SP100: variants seen among roughly 807,000 people sequenced by gnomAD.
The protein encoded by SP100 is nuclear autoantigen Sp-100.
SP100 carries 84 observed loss-of-function variants against 130.0 expected under a neutral mutation model. The ratio of observed to expected loss-of-function variants is 0.65; its 90% CI spans 0.54 to 0.77. SP100 has a LOEUF of 0.77. SP100 is among the 30% of genes least tolerant of loss of function. SP100 has a pLI of 0.00. For missense variants in SP100, 978 were observed against 1,052.2 expected, an observed-to-expected ratio of 0.93 and a Z score of 0.97; for synonymous variants, 331 against 351.7, an observed-to-expected ratio of 0.94 and a Z score of 0.66.
At chr2:230,428,039 T>C (rs945145775) in intron 2 of SP100, among the ~76,000 whole-genome samples, 7 of 152,166 alleles carry the variant, frequency 4.6e-5, no homozygotes, top group African/African-American at 1.7e-4. Context: ...GAGATCAGCC[T>C]GGCCAACATA....
At chr2:230,434,419 T>G (rs1482225747) in intron 2 of SP100, among the ~76,000 whole-genome samples, 1 of 152,176 alleles carries the variant, frequency 6.6e-6, no homozygotes, top group African/African-American at 2.4e-5. Flanking sequence ...AATCAACAAA[T>G]ATTTATGGAA....
chr2:230,464,904 C>T (rs1288287857), intron 11 of SP100, among the ~76,000 whole-genome samples: 1 of 152,028 alleles, frequency 6.6e-6, no homozygotes, highest in Non-Finnish European at 1.5e-5. Flanking sequence ...TCAGCCTGGA[C>T]AACATGGAGA....
intron 2 of SP100, among the ~76,000 whole-genome samples, chr2:230,422,979 C>T (rs1472928052): frequency 6.6e-6 from 1 of 152,102 alleles, no homozygotes; most frequent in African/African-American, 2.4e-5. Flanking sequence ...CTATAGCAGC[C>T]TCATGAAATA....
intron 2 of SP100, among the ~76,000 whole-genome samples, chr2:230,431,093 T>C (rs576747841): frequency 1.4e-4 from 22 of 152,354 alleles, no homozygotes; most frequent in African/African-American, 5.3e-4. Context: ...AGCTTGCCTC[T>C]GCAGGTGGAC....
intron 24 of SP100, chr2:230,538,825 C>T: frequency 6.3e-6 from 1 of 157,568 alleles, no homozygotes; most frequent in South Asian, 1.8e-4. Context: ...CTTTCTTCAA[C>T]TCATTCTTGC....
intron 15 of SP100, among the ~76,000 whole-genome samples, chr2:230,471,758 AAAGT>A (rs1378941124): frequency 1.3e-5 from 2 of 152,154 alleles, no homozygotes; most frequent in African/African-American, 2.4e-5. Flanking sequence ...CTGAGTGGAT[AAAGT>A]AAGGAGAAAG....
chr2:230,462,538 C>T lies in SP100; in HGVS notation c.1057+20C>T. On this transcript the variant is annotated intron_variant, in intron 10 of 28. Coordinates refer to ENST00000340126, the MANE Select transcript of SP100 (RefSeq NM_001080391.2). The stretch of plus-strand genomic sequence containing the variant: ...AGCCTGGTAAGGAAGTTTGGGAGAG[C>T]AAGGCTTGGGCTGTGGGAATCTGAT... The T allele has an allele frequency of 6.3e-7, 1 of 1,577,048 alleles. No individual in the cohort carries two copies. Among genetic ancestry groups the T allele is most frequent in the Middle Eastern group, 1.7e-4 (1 of 5,990 alleles).
intron 24 of SP100, among the ~76,000 whole-genome samples, chr2:230,533,110 A>T (rs149193386): frequency 2.0e-5 from 3 of 152,176 alleles, no homozygotes; most frequent in African/African-American, 7.2e-5. Context: ...GCTAAAAAGA[A>T]ATTACTGTGT....
At position 230,461,214 on chromosome 2, in the gene SP100, G is replaced by A. The variant is rs201597647; in HGVS notation, c.821-48G>A. On this transcript the variant is annotated intron_variant, in intron 8 of 28. Coordinates refer to ENST00000340126, the MANE Select transcript of SP100 (RefSeq NM_001080391.2). ...GGGGGAGTTATTAATGATAGTGAAG[G>A]AGGTTCACTGGGGACACAAATGAAA... 1.3e-5 allele frequency: 21 copies of A among 1,558,574 alleles called. No individual in the cohort carries two copies. The African/African-American group carries it at 2.7e-4, about 20-fold the overall frequency.
chr2:230,521,422 C>T (rs1691164873), intron 24 of SP100, among the ~76,000 whole-genome samples: 1 of 152,162 alleles, frequency 6.6e-6, no homozygotes, highest in Non-Finnish European at 1.5e-5. Context: ...CCGGTGCCTG[C>T]CTAACTGACT....
At chr2:230,498,372 G>C in intron 18 of SP100, 89 bp from the exon 19 acceptor site, 3 of 676,896 alleles carry the variant, frequency 4.4e-6, no homozygotes, top group East Asian at 3.2e-5. Context: ...CTCTGGAAAA[G>C]TTATAGCTAA....
At chr2:230,474,510 G>T in intron 17 of SP100, 63 bp downstream of exon 17, 2 of 798,216 alleles carry the variant, frequency 2.5e-6, no homozygotes, top group East Asian at 2.6e-5. Flanking sequence ...TTAATGCTAA[G>T]GTTTATTATC....
At chr2:230,440,823 A>T (rs1297679181) in intron 2 of SP100, among the ~76,000 whole-genome samples, 2 of 152,170 alleles carry the variant, frequency 1.3e-5, no homozygotes, top group East Asian at 3.8e-4. Flanking sequence ...GGGTAGACAA[A>T]TAGATCAATG....
chr2:230,534,473 A>G (rs1250781738), intron 24 of SP100, among the ~76,000 whole-genome samples: 1 of 152,254 alleles, frequency 6.6e-6, no homozygotes, highest in Admixed American at 6.5e-5. Context: ...ATTTTGTAAT[A>G]TCAAATGTCT....
At chr2:230,534,035 G>C (rs896204612) in intron 24 of SP100, among the ~76,000 whole-genome samples, 1 of 152,124 alleles carries the variant, frequency 6.6e-6, no homozygotes, top group Non-Finnish European at 1.5e-5. Flanking sequence ...GCAAAAAAAG[G>C]AGGAAAAAGA....
intron 24 of SP100, among the ~76,000 whole-genome samples, chr2:230,517,442 A>G (rs1355479409): frequency 6.6e-6 from 1 of 152,182 alleles, no homozygotes; most frequent in Non-Finnish European, 1.5e-5. Context: ...AACTTAATAA[A>G]GACAATACAG....
intron 8 of SP100, among the ~76,000 whole-genome samples, chr2:230,455,132 T>A (rs2064204942): frequency 6.6e-6 from 1 of 151,930 alleles, no homozygotes; most frequent in African/African-American, 2.4e-5. Flanking sequence ...TGGAGTGCAC[T>A]AGTGCAATCA....
chr2:230,464,148 C>G lies in SP100; in HGVS notation c.1139C>G (p.Pro380Arg). ...EATCSRPQIVPEPMDFRKLST... is the reference protein window; with the variant it reads ...EATCSRPQIVREPMDFRKLST... The stretch of plus-strand genomic sequence containing the variant: ...ACTTGCTCACGACCCCAGATTGTAC[C>G]AGGTAAGAATATTAGAGTTGCAACC... Residue 380 changes from proline to arginine, a missense_variant and splice_region_variant, in exon 11 of 29, where the codon CCA becomes CGA. Physicochemically the swap from Pro to Arg is moderately radical, Grantham distance 103. Coordinates refer to ENST00000340126, the MANE Select transcript of SP100 (RefSeq NM_001080391.2). 6.3e-7 allele frequency: 1 copy of G among 1,596,208 alleles called. No individual in the cohort carries two copies. The highest frequency in any genetic ancestry group is 8.6e-7 in the Non-Finnish European group (1 of 1,163,820).
chr2:230,436,927 A>ATATGT, intron 2 of SP100, among the ~76,000 whole-genome samples: 1 of 79,986 alleles, frequency 1.3e-5, no homozygotes, highest in African/African-American at 6.1e-5. Context: ...TATACACACA[A>ATATGT]GTGTATACAC....
Sources: allele counts gnomAD v4.1 joint callset (sites outside exome capture counted in the v4.1 genomes callset), GRCh38; gene constraint gnomAD v4.1.1; transcripts MANE v1.5; gene names NCBI Gene and HGNC (gene_info 2026-07-23, HGNC 2026-07-21).